AGBL1: variants seen among roughly 807,000 people sequenced by gnomAD.
The protein encoded by AGBL1 is cytosolic carboxypeptidase 4.
In AGBL1, 130 loss-of-function variants were observed where a neutral mutation model predicts 118.9. That is an observed-to-expected ratio of 1.09 (90% CI 0.95 to 1.26). AGBL1 has a LOEUF of 1.26. Among genes scored for constraint, AGBL1 ranks in the 50% most tolerant of loss-of-function variants. The probability of loss-of-function intolerance (pLI) is 0.00; values close to 1 mark genes in which losing one functional copy is unlikely to be tolerated. For missense variants in AGBL1, 1,584 were observed against 1,298.1 expected (o/e 1.22, Z -3.38); for synonymous variants, 555 against 478.9 (o/e 1.16, Z -2.08).
At chr15:86,636,492 T>G (rs1396981247) in intron 21 of AGBL1, among the ~76,000 whole-genome samples, 1 of 30,406 alleles carries the variant, frequency 3.3e-5, no homozygotes, top group Non-Finnish European at 8.1e-5. Context: ...TTCATCAAGA[T>G]AGTTTTTTTT....
chr15:86,821,425 T>C (rs1044972896), intron 22 of AGBL1, among the ~76,000 whole-genome samples: 3 of 152,204 alleles, frequency 2.0e-5, no homozygotes, highest in East Asian at 1.9e-4. Context: ...ATTTATTCGA[T>C]ATGAAGAACA....
At chr15:86,784,835 T>C (rs568202230) in intron 22 of AGBL1, among the ~76,000 whole-genome samples, 1 of 152,184 alleles carries the variant, frequency 6.6e-6, no homozygotes, top group Non-Finnish European at 1.5e-5. Context: ...TATAGCTCAT[T>C]GGTGAAATGG....
At chr15:86,252,116 A>C (rs567401306) in intron 7 of AGBL1, among the ~76,000 whole-genome samples, 1 of 152,204 alleles carries the variant, frequency 6.6e-6, no homozygotes, top group African/African-American at 2.4e-5. Context: ...TGCATTTCTA[A>C]CGAGTTCTCA....
rs185222298 is a variant in AGBL1, at chr15:86,816,708, G to C, written c.3159-90379G>C. On this transcript the variant is annotated intron_variant, in intron 22 of 22. Coordinates refer to ENST00000614907, the MANE Select transcript of AGBL1 (RefSeq NM_001386094.1). ...AAACAAAAATCCCTCAGGAGGCAGAGAGAAGACTTGGCACAACTGGGAAAC... is the reference window on the plus strand; with the variant it reads ...AAACAAAAATCCCTCAGGAGGCAGACAGAAGACTTGGCACAACTGGGAAAC... 3.3e-5 allele frequency among the ~76,000 whole-genome samples: 5 copies of C among 152,298 alleles called. No individual in the cohort carries two copies. In the East Asian group the frequency reaches 9.6e-4, roughly 29 times the overall value.
At position 86,681,146 on chromosome 15, in the gene AGBL1, C is replaced by G. The variant is rs77014034; in HGVS notation, c.3158+6710C>G. Reference sequence around the variant, plus strand: ...TTTCTCACCTCTGTATCTGTTATCTCTTCTTCTTTAATCCTTTTTACCTCC... The same window carrying G: ...TTTCTCACCTCTGTATCTGTTATCTGTTCTTCTTTAATCCTTTTTACCTCC... On this transcript the variant is annotated intron_variant, in intron 22 of 22. Transcript: ENST00000614907. Among the ~76,000 whole-genome samples the G allele has an allele frequency of 4.8e-3, 737 of 152,246 alleles. 4 individuals carry two copies. Among genetic ancestry groups the G allele is most frequent in the African/African-American group, 0.017 (701 of 41,564 alleles).
chr15:86,259,781 C>T (rs1047185044), intron 9 of AGBL1, among the ~76,000 whole-genome samples: 2 of 152,190 alleles, frequency 1.3e-5, no homozygotes, highest in Non-Finnish European at 2.9e-5. Context: ...TCATCAATGC[C>T]ACTTTCCCCT....
downstream of AGBL1, among the ~76,000 whole-genome samples, chr15:86,918,948 G>A (rs1370940435): frequency 6.6e-6 from 1 of 152,186 alleles, no homozygotes; most frequent in African/African-American, 2.4e-5. Context: ...GTCTCTGTCT[G>A]TCATGTCCGT....
At chr15:86,831,697 C>T (rs2079106290) in intron 22 of AGBL1, among the ~76,000 whole-genome samples, 1 of 152,180 alleles carries the variant, frequency 6.6e-6, no homozygotes, top group Non-Finnish European at 1.5e-5. Flanking sequence ...CATGGACTGG[C>T]ATTGAGTGAC....
intron 1 of AGBL1, among the ~76,000 whole-genome samples, chr15:86,136,076 A>G (rs1185563714): frequency 6.6e-6 from 1 of 152,200 alleles, no homozygotes; most frequent in Non-Finnish European, 1.5e-5. Context: ...AAATCAACAT[A>G]GACCCTCCAG....
intron 1 of AGBL1, among the ~76,000 whole-genome samples, chr15:86,116,429 A>G (rs1373022487): frequency 2.6e-5 from 4 of 152,158 alleles, no homozygotes; most frequent in Non-Finnish European, 4.4e-5. Context: ...GTAGCTGGTA[A>G]AGCATTATTT....
At chr15:86,844,378 A>G (rs1213394699) in intron 22 of AGBL1, among the ~76,000 whole-genome samples, 1 of 152,114 alleles carries the variant, frequency 6.6e-6, no homozygotes, top group Non-Finnish European at 1.5e-5. Flanking sequence ...AACAATTGTC[A>G]TTGTCTATCT....
intron 18 of AGBL1, among the ~76,000 whole-genome samples, chr15:86,417,419 A>T (rs1596088083): frequency 6.6e-6 from 1 of 152,190 alleles, no homozygotes; most frequent in East Asian, 1.9e-4. Context: ...TCCGATTGTT[A>T]TCTGAATTAC....
intron 9 of AGBL1, among the ~76,000 whole-genome samples, chr15:86,259,398 A>C (rs1326929825): frequency 1.3e-5 from 2 of 152,206 alleles, no homozygotes; most frequent in Non-Finnish European, 2.9e-5. Context: ...AAGAGTCAGT[A>C]AATTAAGGTC....
intron 24 of AGBL1, among the ~76,000 whole-genome samples, chr15:87,013,000 C>T (rs945349191): frequency 6.9e-6 from 1 of 145,238 alleles, no homozygotes; most frequent in Admixed American, 6.8e-5. Flanking sequence ...TGCAACAATG[C>T]TTATTTTCTG....
At chr15:86,729,323 G>C (rs1567144057) in intron 22 of AGBL1, among the ~76,000 whole-genome samples, 1 of 152,122 alleles carries the variant, frequency 6.6e-6, no homozygotes, top group East Asian at 1.9e-4. Context: ...ACACATGCAG[G>C]TTTGTTATGT....
chr15:87,017,548 C>T (rs991418842), intron 24 of AGBL1, among the ~76,000 whole-genome samples: 1 of 152,086 alleles, frequency 6.6e-6, no homozygotes, highest in Non-Finnish European at 1.5e-5. Flanking sequence ...AGCAGTCCTA[C>T]AGAAGAATAG....
intron 18 of AGBL1, among the ~76,000 whole-genome samples, chr15:86,496,784 C>T (rs1443643626): frequency 6.6e-6 from 1 of 151,844 alleles, no homozygotes; most frequent in African/African-American, 2.4e-5. Context: ...TGAATGATCA[C>T]AAAATTAACA....
At chr15:86,825,158 A>G (rs1390498754) in intron 22 of AGBL1, among the ~76,000 whole-genome samples, 1 of 152,038 alleles carries the variant, frequency 6.6e-6, no homozygotes, top group Non-Finnish European at 1.5e-5. Context: ...AGTTGAAGGG[A>G]GGAAATCATT....
chr15:86,170,562 C>T (rs537709059), intron 5 of AGBL1, among the ~76,000 whole-genome samples: 6 of 152,134 alleles, frequency 3.9e-5, no homozygotes, highest in Non-Finnish European at 8.8e-5. Flanking sequence ...TTCTCAAAAC[C>T]AGCCAGGTGT....
Sources: gnomAD v4.1 joint callset for allele counts (sites outside exome capture counted in the v4.1 genomes callset) on GRCh38, gnomAD v4.1.1 for gene constraint, MANE v1.5 for transcripts, NCBI Gene and HGNC (gene_info 2026-07-23, HGNC 2026-07-21) for gene names.